ERAP1: variants seen among roughly 807,000 people sequenced by gnomAD.
ERAP1 encodes endoplasmic reticulum aminopeptidase 1.
Under a neutral mutation model 103.7 loss-of-function variants are expected in ERAP1, and 86 were observed. The observed-to-expected ratio is 0.83, with a 90% CI of 0.70 to 0.99. The LOEUF (loss-of-function observed/expected upper bound fraction) is 0.99. Among genes scored for constraint, ERAP1 ranks in the 50% least tolerant of loss-of-function variants. The pLI, the probability that ERAP1 is intolerant of heterozygous loss-of-function variation, is 0.00. For synonymous variants in ERAP1, 398 were observed against 402.4 expected (o/e 0.99, Z 0.13); for missense variants, 1,009 against 1,128.4 (o/e 0.89, Z 1.52).
At chr5:96,930,711 T>C in the ERAP1 span, among the ~76,000 whole-genome samples, 1 of 152,216 alleles carries the variant, frequency 6.6e-6, no homozygotes, top group Admixed American at 6.5e-5. Context: ...AGGAAGGTGA[T>C]CTTAAACTCA....
intron 3 of ERAP1, 106 bp downstream of exon 3, chr5:96,800,756 C>T: frequency 8.3e-7 from 1 of 1,200,632 alleles, no homozygotes; most frequent in Admixed American, 1.7e-5. Flanking sequence ...ATCTGCCAGG[C>T]AATAAAACAA....
At chr5:96,879,470 T>G in the ERAP1 span, 2 of 480,142 alleles carry the variant, frequency 4.2e-6, no homozygotes, top group East Asian at 6.4e-5. Context: ...GAGCAGATTT[T>G]CCCTTACTCA....
At chr5:96,807,762 G>T in intron 1 of ERAP1, 98 bp downstream of exon 1, 1 of 872,070 alleles carries the variant, frequency 1.1e-6, no homozygotes, top group Non-Finnish European at 1.4e-6. Flanking sequence ...CCGTGCCCCA[G>T]GCCCTCAGCC....
At chr5:96,821,824 T>A in the ERAP1 span, among the ~76,000 whole-genome samples, 2 of 152,286 alleles carry the variant, frequency 1.3e-5, no homozygotes, top group East Asian at 3.9e-4. Flanking sequence ...TAGGAAATCT[T>A]CATTTATGTC....
intron 16 of ERAP1, among the ~76,000 whole-genome samples, 191 bp downstream of exon 16, chr5:96,781,502 C>A (rs1775164953): frequency 6.6e-6 from 1 of 152,058 alleles, no homozygotes; most frequent in African/African-American, 2.4e-5. Flanking sequence ...AATGTATACA[C>A]CTTTAAATAT....
At position 96,800,822 on chromosome 5, in the gene ERAP1, T is replaced by C. The variant is rs27528; in HGVS notation, c.663+40A>G. 0.25 allele frequency: 404,331 copies of C among 1,609,316 alleles called. 51,914 individuals carry two copies. Among genetic ancestry groups the C allele is most frequent in the Admixed American group, 0.38 (22,996 of 59,992 alleles). On this transcript the variant is annotated intron_variant, in intron 3 of 18. Coordinates refer to ENST00000443439, the MANE Select transcript of ERAP1 (RefSeq NM_001040458.3). ...GCTAGTGCAAGTCACAGAGAATCAGTAGATTTTCCTATAGAAAATACACAG... is the reference window on the plus strand; with the variant it reads ...GCTAGTGCAAGTCACAGAGAATCAGCAGATTTTCCTATAGAAAATACACAG...
chr5:96,794,597 T>C (rs1325316113), intron 5 of ERAP1, among the ~76,000 whole-genome samples: 1 of 152,190 alleles, frequency 6.6e-6, no homozygotes, highest in East Asian at 1.9e-4. Flanking sequence ...AAGACCCACA[T>C]ATACCTAAAA....
At chr5:96,857,910 A>G in the ERAP1 span, among the ~76,000 whole-genome samples, 1 of 152,224 alleles carries the variant, frequency 6.6e-6, no homozygotes, top group Non-Finnish European at 1.5e-5. Context: ...GGTAGAGGGT[A>G]AGAAAGAAAA....
chr5:96,839,578 A>G, the ERAP1 span, among the ~76,000 whole-genome samples: 1 of 152,158 alleles, frequency 6.6e-6, no homozygotes, highest in African/African-American at 2.4e-5. Flanking sequence ...AAACCCTTTC[A>G]TTGTTTCTCA....
At chr5:96,809,012 T>C (rs1778986116), upstream of ERAP1, among the ~76,000 whole-genome samples, 1 of 152,220 alleles carries the variant, frequency 6.6e-6, no homozygotes, top group Non-Finnish European at 1.5e-5. Context: ...GGGTTATTTC[T>C]TGATTATATG....
intron 18 of ERAP1, among the ~76,000 whole-genome samples, chr5:96,780,194 T>G (rs1774946048): frequency 6.6e-6 from 1 of 152,200 alleles, no homozygotes; most frequent in South Asian, 2.1e-4. Context: ...TCCTAAGGTT[T>G]TTACTGGCAG....
chr5:96,815,383 G>A, the ERAP1 span, among the ~76,000 whole-genome samples: 1 of 146,698 alleles, frequency 6.8e-6, no homozygotes, highest in Admixed American at 6.8e-5. Context: ...TTAAGGTGTT[G>A]TTGTTGTTGT....
Position 96,776,029 on chromosome 5 carries a change from C to G in ERAP1, c.*367G>C. ...GTTCATTGTTCAGTAGTCGACTATT[C>G]AGAGTCTTTCGAGGAGACTGATGAA... On this transcript the variant is annotated 3_prime_UTR_variant, in exon 19 of 19. Transcript: ENST00000443439. 1 of 1,156,444 alleles carries G rather than the reference C, an allele frequency of 8.6e-7. No homozygotes were observed. The allele number at this position is 1,156,444 out of a possible 1,614,324, so 71.6% of individuals were successfully genotyped here. A position where few individuals can be genotyped will look rare whatever the true frequency, so the allele number is the denominator to read the frequency against.
chr5:96,847,179 C>T, the ERAP1 span, among the ~76,000 whole-genome samples: 4 of 143,868 alleles, frequency 2.8e-5, no homozygotes, highest in East Asian at 6.1e-4. Flanking sequence ...ACCCGGGAGG[C>T]GGAAGTTACA....
the ERAP1 span, chr5:96,895,145 CCTAA>C: frequency 4.7e-6 from 3 of 641,740 alleles, no homozygotes; most frequent in Admixed American, 1.0e-4. Flanking sequence ...GAAGAGAGAT[CCTAA>C]CTAATAAAAA....
upstream of ERAP1, among the ~76,000 whole-genome samples, chr5:96,809,558 A>C (rs187056260): frequency 4.9e-4 from 75 of 152,052 alleles, no homozygotes; most frequent in African/African-American, 1.7e-3. Context: ...CATACTGCCT[A>C]TTATCTCTAG....
At chr5:96,796,504 T>A (rs1024150118) in intron 4 of ERAP1, among the ~76,000 whole-genome samples, 1 of 152,208 alleles carries the variant, frequency 6.6e-6, no homozygotes, top group Non-Finnish European at 1.5e-5. Context: ...CAGAAAGCCA[T>A]AACCAGAAGC....
downstream of ERAP1, chr5:96,773,364 G>A (rs761268132): frequency 6.5e-6 from 1 of 153,270 alleles, no homozygotes; most frequent in East Asian, 1.9e-4. Flanking sequence ...AAGTCCTTGT[G>A]TAGCAAATTT....
At chr5:96,812,702 A>T (rs151046198), upstream of ERAP1, among the ~76,000 whole-genome samples, 1 of 152,354 alleles carries the variant, frequency 6.6e-6, no homozygotes, top group African/African-American at 2.4e-5. Flanking sequence ...ATTTTATTAT[A>T]TTGAAATTAA....
Sources: allele counts gnomAD v4.1 joint callset (sites outside exome capture counted in the v4.1 genomes callset), GRCh38; gene constraint gnomAD v4.1.1; transcripts MANE v1.5; gene names NCBI Gene and HGNC (gene_info 2026-07-23, HGNC 2026-07-21).